The following HS6ST3 variants were observed in gnomAD, a reference collection of about 807,000 sequenced individuals.
HS6ST3 encodes the protein heparan sulfate 6-O-sulfotransferase 3.
A neutral mutation model predicts 36.7 loss-of-function variants in HS6ST3; 12 were observed. The ratio of observed to expected loss-of-function variants is 0.33; its 90% CI spans 0.21 to 0.53. The LOEUF (loss-of-function observed/expected upper bound fraction) is 0.53. Among genes scored for constraint, HS6ST3 ranks in the 20% least tolerant of loss-of-function variants. The probability of loss-of-function intolerance (pLI) is 0.95; values close to 1 mark genes in which losing one functional copy is unlikely to be tolerated. For missense variants in HS6ST3, 584 were observed against 640.9 expected (o/e 0.91, Z 0.96); for synonymous variants, 240 against 257.5 (o/e 0.93, Z 0.65).
rs532279986 is a variant in HS6ST3 at position 96,739,209 on chromosome 13, C to T, written c.708-93281C>T. On this transcript the variant is annotated intron_variant, in intron 1 of 1. Transcript: ENST00000376705. ...TTTTCATACCCCTTCTGTTCTCTAT[C>T]GACATTTGCTTGTGTGTGTGTGTGT... is the stretch of plus-strand genomic sequence containing the variant. 2.8e-5 allele frequency among the ~76,000 whole-genome samples: 4 copies of T among 145,004 alleles called. No homozygotes were observed. The East Asian group carries it at 8.4e-4, about 30-fold the overall frequency.
At chr13:96,401,824 C>G in intron 1 of HS6ST3, among the ~76,000 whole-genome samples, 1 of 152,114 alleles carries the variant, frequency 6.6e-6, no homozygotes, top group African/African-American at 2.4e-5. Flanking sequence ...CCAGCCTGCC[C>G]CGGCCTCCCA....
At chr13:96,414,889 G>A (rs2055525448) in intron 1 of HS6ST3, among the ~76,000 whole-genome samples, 1 of 151,958 alleles carries the variant, frequency 6.6e-6, no homozygotes, top group African/African-American at 2.4e-5. Context: ...GTCAAAAAGT[G>A]GCATATTTTA....
At chr13:96,480,111 ATTTG>A (rs569215843) in intron 1 of HS6ST3, among the ~76,000 whole-genome samples, 4 of 151,956 alleles carry the variant, frequency 2.6e-5, no homozygotes, top group Non-Finnish European at 5.9e-5. Flanking sequence ...CCATTTGTTT[ATTTG>A]TTTGTTTGTT....
At chr13:96,778,237 G>C (rs1272454997) in intron 1 of HS6ST3, among the ~76,000 whole-genome samples, 1 of 152,088 alleles carries the variant, frequency 6.6e-6, no homozygotes, top group Non-Finnish European at 1.5e-5. Flanking sequence ...GAAAACCTAG[G>C]CAATACCATT....
chr13:96,718,581 A>G (rs1875763717), intron 1 of HS6ST3, among the ~76,000 whole-genome samples: 1 of 152,200 alleles, frequency 6.6e-6, no homozygotes, highest in South Asian at 2.1e-4. Context: ...ATTGACTATA[A>G]AAAATAAAGG....
chr13:96,579,243 C>T (rs1484844157), intron 1 of HS6ST3, among the ~76,000 whole-genome samples: 4 of 152,122 alleles, frequency 2.6e-5, no homozygotes, highest in Non-Finnish European at 5.9e-5. Flanking sequence ...ATTTCACTAA[C>T]TGTTGATGTT....
chr13:96,228,466 A>C (rs1279082678), intron 1 of HS6ST3, among the ~76,000 whole-genome samples: 1 of 152,066 alleles, frequency 6.6e-6, no homozygotes, highest in African/African-American at 2.4e-5. Flanking sequence ...GGGTTTCATC[A>C]TGTTGGCCAG....
intron 1 of HS6ST3, among the ~76,000 whole-genome samples, chr13:96,216,814 T>G (rs1470274690): frequency 6.6e-6 from 1 of 152,102 alleles, no homozygotes. Context: ...CTATTTTCAT[T>G]CAGCACACTA....
intron 1 of HS6ST3, among the ~76,000 whole-genome samples, chr13:96,718,114 G>C (rs1296920192): frequency 1.3e-5 from 2 of 152,104 alleles, no homozygotes; most frequent in Non-Finnish European, 2.9e-5. Context: ...GAATGCCCCA[G>C]TCTGGGTCAG....
intron 1 of HS6ST3, among the ~76,000 whole-genome samples, chr13:96,187,796 A>G (rs2054271292): frequency 6.6e-6 from 1 of 152,162 alleles, no homozygotes; most frequent in Admixed American, 6.5e-5. Context: ...TGACTTGGCT[A>G]GCAACTTCTT....
intron 1 of HS6ST3, among the ~76,000 whole-genome samples, chr13:96,477,544 C>A (rs1328534923): frequency 6.6e-6 from 1 of 152,084 alleles, no homozygotes; most frequent in East Asian, 1.9e-4. Context: ...TTATGATTAA[C>A]TATCAAGTCT....
At chr13:96,619,889 A>C (rs1465043160) in intron 1 of HS6ST3, among the ~76,000 whole-genome samples, 1 of 152,226 alleles carries the variant, frequency 6.6e-6, no homozygotes, top group Non-Finnish European at 1.5e-5. Flanking sequence ...TATCAGTGGC[A>C]GTATTGGTGT....
chr13:96,789,772 A>T (rs1463388859), intron 1 of HS6ST3, among the ~76,000 whole-genome samples: 2 of 151,620 alleles, frequency 1.3e-5, no homozygotes, highest in Non-Finnish European at 2.9e-5. Context: ...TTAAAAAAAA[A>T]CCCAGCCATT....
At chr13:96,407,500 G>T (rs111448003) in intron 1 of HS6ST3, among the ~76,000 whole-genome samples, 1 of 152,152 alleles carries the variant, frequency 6.6e-6, no homozygotes. Context: ...GCCTAATATT[G>T]GACACATATT....
intron 1 of HS6ST3, among the ~76,000 whole-genome samples, chr13:96,663,291 A>G (rs1203134854): frequency 2.0e-5 from 3 of 152,302 alleles, no homozygotes; most frequent in East Asian, 1.9e-4. Flanking sequence ...CCAGGCCACA[A>G]TGTACCTGAG....
At chr13:96,631,668 C>A (rs1244351354) in intron 1 of HS6ST3, among the ~76,000 whole-genome samples, 1 of 152,168 alleles carries the variant, frequency 6.6e-6, no homozygotes, top group Non-Finnish European at 1.5e-5. Flanking sequence ...TGCAATTAAC[C>A]TCAGTACATG....
At chr13:96,115,393 T>C (rs1373970695) in intron 1 of HS6ST3, among the ~76,000 whole-genome samples, 1 of 152,120 alleles carries the variant, frequency 6.6e-6, no homozygotes, top group African/African-American at 2.4e-5. Context: ...CTAAGTTTCC[T>C]CCCCTCACAC....
chr13:96,652,380 C>A (rs2056610493), intron 1 of HS6ST3, among the ~76,000 whole-genome samples: 1 of 151,650 alleles, frequency 6.6e-6, no homozygotes, highest in Non-Finnish European at 1.5e-5. Context: ...CCATTTCTTT[C>A]CTCCCTCCCT....
chr13:96,216,421 C>T (rs1347475392), intron 1 of HS6ST3, among the ~76,000 whole-genome samples: 2 of 152,140 alleles, frequency 1.3e-5, no homozygotes, highest in Non-Finnish European at 2.9e-5. Context: ...CTGCTCCCCG[C>T]CCACCAATAA....
Sources: gnomAD v4.1 joint callset for allele counts (sites outside exome capture counted in the v4.1 genomes callset) on GRCh38, gnomAD v4.1.1 for gene constraint, MANE v1.5 for transcripts, NCBI Gene and HGNC (gene_info 2026-07-23, HGNC 2026-07-21) for gene names.